ADCY9: variants seen among roughly 807,000 people sequenced by gnomAD.
The protein encoded by ADCY9 is adenylate cyclase 9, also known as adenylate cyclase type 9.
A neutral mutation model predicts 101.5 loss-of-function variants in ADCY9; 50 were observed. The ratio of observed to expected loss-of-function variants is 0.49; its 90% CI spans 0.39 to 0.62. ADCY9 has a LOEUF of 0.62. ADCY9 is among the 20% of genes least tolerant of loss of function. ADCY9 has a pLI of 0.00. For missense variants in ADCY9, 1,662 were observed against 1,800.4 expected (o/e 0.92, Z 1.39); for synonymous variants, 905 against 769.3 (o/e 1.18, Z -2.92).
chr16:4,082,456 T>C (rs2056909454), intron 2 of ADCY9, among the ~76,000 whole-genome samples: 2 of 152,182 alleles, frequency 1.3e-5, no homozygotes, highest in South Asian at 2.1e-4. Context: ...AGAATCATTT[T>C]CTTTCTTCAT....
At chr16:4,112,483 G>T (rs1350212869) in intron 2 of ADCY9, among the ~76,000 whole-genome samples, 1 of 152,078 alleles carries the variant, frequency 6.6e-6, no homozygotes, top group Non-Finnish European at 1.5e-5. Context: ...ATGCCAACTG[G>T]ACACATAGGA....
At chr16:3,969,186 T>C (rs540735488) in intron 10 of ADCY9, among the ~76,000 whole-genome samples, 22 of 152,180 alleles carry the variant, frequency 1.4e-4, no homozygotes, top group African/African-American at 1.4e-4. Flanking sequence ...GTGGCACTGA[T>C]GGAGACAGCC....
At chr16:4,097,487 T>TATATATATATACACACACAC (rs76750792) in intron 2 of ADCY9, among the ~76,000 whole-genome samples, 175 of 72,390 alleles carry the variant, frequency 2.4e-3, no homozygotes, top group Non-Finnish European at 3.6e-3. Context: ...TATATATATA[T>TATATATATATACACACACAC]ACACACACAC....
At chr16:4,016,011 G>C (rs1277134415) in intron 2 of ADCY9, among the ~76,000 whole-genome samples, 2 of 151,932 alleles carry the variant, frequency 1.3e-5, no homozygotes, top group Non-Finnish European at 1.5e-5. Flanking sequence ...GTGATATGAT[G>C]GTCATATCAT....
rs539655557 is a variant in ADCY9 at position 4,038,453 on chromosome 16, A to G, written c.1694-30895T>C. On this transcript the variant is annotated intron_variant, in intron 2 of 10. Transcript: ENST00000294016. Reference sequence around the variant, plus strand: ...CTTTGCTCTTCTGTCATGTGAGGACATGGCACCAGACACCCAATGCCAAGG... The same window carrying G: ...CTTTGCTCTTCTGTCATGTGAGGACGTGGCACCAGACACCCAATGCCAAGG... Among the ~76,000 whole-genome samples the G allele has an allele frequency of 1.2e-4, 19 of 152,268 alleles. 1 individual carries two copies. The Middle Eastern group carries it at 0.02, about 164-fold the overall frequency.
chr16:4,011,984 G>C (rs1319983055), intron 2 of ADCY9, among the ~76,000 whole-genome samples: 3 of 152,228 alleles, frequency 2.0e-5, no homozygotes, highest in East Asian at 3.8e-4. Context: ...TATCGACGCA[G>C]TGTTTGATCT....
Position 4,114,537 on chromosome 16 carries a change from G to A in ADCY9, c.906C>T (p.Ser302=), listed in dbSNP as rs765537891. 2 of 1,614,178 alleles carry A rather than the reference G, an allele frequency of 1.2e-6. No individual in the cohort carries two copies. The highest frequency in any genetic ancestry group is 2.2e-5 in the South Asian group (2 of 91,082). ...HAIGVHLFVM[S]QVRSRSTFLK... is the part of the protein sequence containing the mutation. ...GGAAGGTGCTCCTGGACCTCACCTGGGACATGACGAACAGGTGGACCCCGA... is the reference window on the plus strand; with the variant it reads ...GGAAGGTGCTCCTGGACCTCACCTGAGACATGACGAACAGGTGGACCCCGA... Residue 302 remains serine, a synonymous_variant, in exon 2 of 11, where the codon TCC becomes TCT. Coordinates refer to ENST00000294016, the MANE Select transcript of ADCY9 (RefSeq NM_001116.4). This position sits in a 1 kb window ranked among gnomAD's most constrained non-coding sequence, Gnocchi z 4.3.
chr16:3,970,254 C>T (rs1485385745), intron 10 of ADCY9, among the ~76,000 whole-genome samples: 1 of 152,188 alleles, frequency 6.6e-6, no homozygotes, highest in Non-Finnish European at 1.5e-5. Context: ...TGGTCTTGAA[C>T]TCCTGAGCTC....
intron 2 of ADCY9, among the ~76,000 whole-genome samples, chr16:4,049,790 A>G (rs1160148637): frequency 6.6e-6 from 1 of 152,190 alleles, no homozygotes; most frequent in Non-Finnish European, 1.5e-5. Context: ...TATGTTGTAT[A>G]TGTTTTTCTG....
chr16:4,088,883 C>T (rs764030615), intron 2 of ADCY9, among the ~76,000 whole-genome samples: 22 of 152,092 alleles, frequency 1.4e-4, no homozygotes, highest in Non-Finnish European at 3.1e-4. Flanking sequence ...AGGTTTCGCA[C>T]ACAGAGTTGT....
At chr16:3,973,130 A>G (rs555890938) in intron 10 of ADCY9, among the ~76,000 whole-genome samples, 4 of 152,214 alleles carry the variant, frequency 2.6e-5, no homozygotes, top group Non-Finnish European at 5.9e-5. Flanking sequence ...GCATTTTAAC[A>G]GTTGTATTAT....
chr16:4,067,831 T>C (rs1202624251), intron 2 of ADCY9, among the ~76,000 whole-genome samples: 2 of 152,234 alleles, frequency 1.3e-5, no homozygotes, highest in Admixed American at 6.5e-5. Context: ...TGAATTTGTA[T>C]CTTAGTAGCT....
chr16:3,968,424 G>A (rs78428592), intron 10 of ADCY9, among the ~76,000 whole-genome samples: 3 of 152,184 alleles, frequency 2.0e-5, no homozygotes, highest in Middle Eastern at 3.4e-3. Flanking sequence ...GAGCCACCGC[G>A]CCTGGCCTTG....
chr16:4,110,162 A>G (rs2057104432), intron 2 of ADCY9, among the ~76,000 whole-genome samples: 1 of 152,212 alleles, frequency 6.6e-6, no homozygotes, highest in African/African-American at 2.4e-5. Context: ...CTATTAACGC[A>G]GGTCAGACGC....
chr16:4,105,194 A>T (rs1383960895), intron 2 of ADCY9, among the ~76,000 whole-genome samples: 1 of 152,208 alleles, frequency 6.6e-6, no homozygotes, highest in East Asian at 1.9e-4. Context: ...TTACTTTTAT[A>T]AAAATGTTAC....
At chr16:4,067,228 A>C (rs1476872164) in intron 2 of ADCY9, among the ~76,000 whole-genome samples, 1 of 152,232 alleles carries the variant, frequency 6.6e-6, no homozygotes, top group Non-Finnish European at 1.5e-5. Context: ...TTGAAATAAT[A>C]TTTAGAAACA....
intron 6 of ADCY9, 52 bp from the exon 7 acceptor site, chr16:3,983,492 G>T: frequency 6.7e-7 from 1 of 1,484,778 alleles, no homozygotes; most frequent in South Asian, 1.2e-5. Context: ...GGGCGGCCAG[G>T]AGCGCAGTTC....
chr16:4,042,016 C>A (rs749158420), intron 2 of ADCY9, among the ~76,000 whole-genome samples: 3 of 151,342 alleles, frequency 2.0e-5, no homozygotes, highest in Non-Finnish European at 2.9e-5. Context: ...CTCTGCCTCC[C>A]GGGTTCAAGC....
At chr16:4,014,338 A>AAAG (rs556908047) in intron 2 of ADCY9, among the ~76,000 whole-genome samples, 15,176 of 150,688 alleles carry the variant, frequency 0.1, 883 homozygotes, top group Non-Finnish European at 0.13. Context: ...AAAAAAAAAA[A>AAAG]AAGAAGTCCC....
Sources: allele counts gnomAD v4.1 joint callset (sites outside exome capture counted in the v4.1 genomes callset), GRCh38; gene constraint gnomAD v4.1.1; non-coding constraint Gnocchi (gnomAD v3.1); transcripts MANE v1.5; gene names NCBI Gene and HGNC (gene_info 2026-07-23, HGNC 2026-07-21).